Variants in INPP5B observed in about 807,000 individuals in gnomAD.
The protein encoded by INPP5B is inositol polyphosphate-5-phosphatase B.
A neutral mutation model predicts 118.5 loss-of-function variants in INPP5B; 90 were observed. The ratio of observed to expected loss-of-function variants is 0.76; its 90% CI spans 0.64 to 0.90. The LOEUF (loss-of-function observed/expected upper bound fraction) is 0.90. Ranked by LOEUF, INPP5B falls within the 40% of genes least tolerant of loss-of-function variation. The pLI, the probability that INPP5B is intolerant of heterozygous loss-of-function variation, is 0.00. For missense variants in INPP5B, 984 were observed against 1,125.6 expected, an observed-to-expected ratio of 0.87 and a Z score of 1.80; for synonymous variants, 385 against 418.9, an observed-to-expected ratio of 0.92 and a Z score of 0.99.
At chr1:37,871,155 CAAAAA>C (rs34490677) in intron 19 of INPP5B, among the ~76,000 whole-genome samples, 1 of 48,882 alleles carries the variant, frequency 2.0e-5, no homozygotes. Context: ...AAGACTGTCT[CAAAAA>C]AAAAAAAAAA....
At chr1:37,912,632 A>C (rs567147736) in intron 7 of INPP5B, among the ~76,000 whole-genome samples, 1 of 151,938 alleles carries the variant, frequency 6.6e-6, no homozygotes, top group African/African-American at 2.4e-5. Context: ...TTTCCTCCAA[A>C]CCATTGTAGC....
intron 6 of INPP5B, among the ~76,000 whole-genome samples, chr1:37,933,899 T>TTTTATTTA (rs140877171): frequency 1.1e-3 from 152 of 134,944 alleles, no homozygotes; most frequent in African/African-American, 2.6e-3. Context: ...TCAATTTTTA[T>TTTTATTTA]TTTATTTATT....
At chr1:37,940,269 C>T (rs959702108) in intron 6 of INPP5B, among the ~76,000 whole-genome samples, 1 of 152,180 alleles carries the variant, frequency 6.6e-6, no homozygotes, top group African/African-American at 2.4e-5. Context: ...ACCATTTTCT[C>T]AGCGGCAGTG....
In INPP5B at chr1:37,891,339, G is replaced by A. The variant is rs749814842; in HGVS notation, c.629+19C>T. 6.3e-7 allele frequency: 1 copy of A among 1,586,424 alleles called. No individual in the cohort carries two copies. The highest frequency in any genetic ancestry group is 8.7e-7 in the Non-Finnish European group (1 of 1,154,960). On this transcript the variant is annotated intron_variant, in intron 8 of 23. Transcript: ENST00000373024. ...AACCTCAGTCCTACAAGGGACAAGT[G>A]AAGGGAGAGTTGCATTACCTTGGTT...
chr1:37,932,172 G>A, intron 6 of INPP5B, 119 bp from the exon 7 acceptor site: 4 of 895,568 alleles, frequency 4.5e-6, no homozygotes, highest in Non-Finnish European at 6.2e-6. Flanking sequence ...GGTTCTGTGC[G>A]CACTGAGGTT....
intron 7 of INPP5B, among the ~76,000 whole-genome samples, chr1:37,909,829 A>G (rs1442900287): frequency 1.3e-5 from 2 of 152,218 alleles, no homozygotes; most frequent in Non-Finnish European, 2.9e-5. Flanking sequence ...GCTGTGAGAG[A>G]AACCCCAGCT....
chr1:37,935,407 T>A (rs373284928), intron 6 of INPP5B, among the ~76,000 whole-genome samples: 1 of 151,220 alleles, frequency 6.6e-6, no homozygotes, highest in Non-Finnish European at 1.5e-5. Flanking sequence ...TTGGTCAGGC[T>A]GGTCTTGAAC....
At chr1:37,936,852 C>G (rs1410954933) in intron 6 of INPP5B, among the ~76,000 whole-genome samples, 1 of 151,584 alleles carries the variant, frequency 6.6e-6, no homozygotes, top group African/African-American at 2.4e-5. Flanking sequence ...CAGGCATGAG[C>G]CACCGTGCCT....
At position 37,875,659 on chromosome 1, in the gene INPP5B, G is replaced by A. The variant is rs1642749887; in HGVS notation, c.1735C>T (p.Leu579=). The change falls in exon 17 of 24, where the codon CTG becomes TTG. Residue 579 remains leucine, a synonymous_variant. Coordinates refer to ENST00000373024, the MANE Select transcript of INPP5B (RefSeq NM_005540.3). ...RKTLEEIVRS[L]DKMENANIPS... ...ATGTTGGCATTTTCCATCTTATCCA[G>A]GGAGCGAACAATTTCCTCCAGTGTC... is the stretch of plus-strand genomic sequence containing the variant. 6.2e-7 allele frequency: 1 copy of A among 1,614,016 alleles called. No homozygotes were observed. The highest frequency in any genetic ancestry group is 8.5e-7 in the Non-Finnish European group (1 of 1,180,014).
At chr1:37,894,989 C>T (rs772689189) in intron 7 of INPP5B, among the ~76,000 whole-genome samples, 7 of 152,200 alleles carry the variant, frequency 4.6e-5, no homozygotes, top group Non-Finnish European at 8.8e-5. Flanking sequence ...TAGAGTTCTA[C>T]TAACCCATAG....
chr1:37,902,556 C>CA (rs201445859), intron 7 of INPP5B, among the ~76,000 whole-genome samples: 23 of 150,418 alleles, frequency 1.5e-4, no homozygotes, highest in Admixed American at 3.3e-4. Flanking sequence ...CCTATTTCTA[C>CA]AAAAAAAAAA....
At chr1:37,901,274 C>CTG (rs1414485885) in intron 7 of INPP5B, among the ~76,000 whole-genome samples, 3 of 152,172 alleles carry the variant, frequency 2.0e-5, no homozygotes, top group African/African-American at 7.2e-5. Context: ...TGTCAGCTGA[C>CTG]GTCCAGCTCT....
At chr1:37,877,461 A>T (rs1350379648) in intron 16 of INPP5B, among the ~76,000 whole-genome samples, 1 of 152,258 alleles carries the variant, frequency 6.6e-6, no homozygotes, top group African/African-American at 2.4e-5. Flanking sequence ...TTGAAGACTG[A>T]TAAAACCCAA....
chr1:37,939,237 G>A (rs569293813), intron 6 of INPP5B, among the ~76,000 whole-genome samples: 41 of 147,644 alleles, frequency 2.8e-4, no homozygotes, highest in Non-Finnish European at 5.2e-4. Context: ...GGTGGTGGGC[G>A]CCTGTAATCC....
chr1:37,899,961 G>A (rs781532568), intron 7 of INPP5B, among the ~76,000 whole-genome samples: 16 of 151,724 alleles, frequency 1.1e-4, no homozygotes, highest in Non-Finnish European at 2.1e-4. Flanking sequence ...TGATCCGCCC[G>A]CCTTGGCCTC....
intron 13 of INPP5B, 131 bp downstream of exon 13, chr1:37,885,507 A>G: frequency 5.9e-6 from 4 of 672,370 alleles, no homozygotes; most frequent in East Asian, 2.6e-5. Flanking sequence ...TAATCCATGT[A>G]TAACCAAGAG....
chr1:37,860,861 C>G lies in INPP5B; in HGVS notation c.*1454G>C, dbSNP rs1462842114. On this transcript the variant is annotated 3_prime_UTR_variant, in exon 24 of 24. Coordinates refer to ENST00000373024, the MANE Select transcript of INPP5B (RefSeq NM_005540.3). ...ATTTTTAGAGACGGGGTCTCCCTCT[C>G]TCACCCGGGCTGGCGTACAGTGATG... 1.3e-5 allele frequency: 2 copies of G among 152,210 alleles called. No homozygotes were observed. Among genetic ancestry groups the G allele is most frequent in the African/African-American group, 4.8e-5 (2 of 41,452 alleles). The allele number at this position is 152,210 out of a possible 1,614,324, so 9.4% of individuals were successfully genotyped here. A position where few individuals can be genotyped will look rare whatever the true frequency, so the allele number is the denominator to read the frequency against.
chr1:37,912,212 C>T (rs1288932188), intron 7 of INPP5B, among the ~76,000 whole-genome samples: 1 of 152,162 alleles, frequency 6.6e-6, no homozygotes, highest in Non-Finnish European at 1.5e-5. Flanking sequence ...TCTACAACCT[C>T]CATGGACTGG....
intron 7 of INPP5B, among the ~76,000 whole-genome samples, chr1:37,919,037 A>G (rs115985800): frequency 0.011 from 1,607 of 152,358 alleles, 32 homozygotes; most frequent in African/African-American, 0.037. Flanking sequence ...TAAATGGTGC[A>G]GCTGACATTA....
Sources: allele counts gnomAD v4.1 joint callset (sites outside exome capture counted in the v4.1 genomes callset), GRCh38; gene constraint gnomAD v4.1.1; transcripts MANE v1.5; gene names NCBI Gene and HGNC (gene_info 2026-07-23, HGNC 2026-07-21).